The following TSPAN9 variants were observed in gnomAD, a reference collection of about 807,000 sequenced individuals.
TSPAN9 encodes tetraspanin 9.
Under a neutral mutation model 31.0 loss-of-function variants are expected in TSPAN9, and 16 were observed. The ratio of observed to expected loss-of-function variants is 0.52; its 90% CI spans 0.35 to 0.78. The LOEUF (loss-of-function observed/expected upper bound fraction) is 0.78, where lower values mean the gene tolerates loss of function less well. Among genes scored for constraint, TSPAN9 ranks in the 30% least tolerant of loss-of-function variants. TSPAN9 has a pLI of 0.01. For synonymous variants in TSPAN9, 145 were observed against 121.6 expected (o/e 1.19, Z -1.27); for missense variants, 272 against 312.5 (o/e 0.87, Z 0.98).
At chr12:3,213,787 C>T (rs899162267) in intron 3 of TSPAN9, among the ~76,000 whole-genome samples, 12 of 152,182 alleles carry the variant, frequency 7.9e-5, no homozygotes, top group Admixed American at 5.9e-4. Context: ...TCTGCATTGC[C>T]GATTAGCTTT....
At chr12:3,242,634 G>A (rs2098397161) in intron 3 of TSPAN9, among the ~76,000 whole-genome samples, 1 of 152,232 alleles carries the variant, frequency 6.6e-6, no homozygotes, top group African/African-American at 2.4e-5. Flanking sequence ...GGCTGCGTGT[G>A]GAGGATGTAA....
At chr12:3,129,121 A>G (rs1022971455) in intron 2 of TSPAN9, among the ~76,000 whole-genome samples, 1 of 152,162 alleles carries the variant, frequency 6.6e-6, no homozygotes, top group Non-Finnish European at 1.5e-5. Context: ...TGGCTGAGTA[A>G]TATTCCATTG....
At chr12:3,210,738 C>CTTT (rs376848982) in intron 3 of TSPAN9, among the ~76,000 whole-genome samples, 2 of 132,886 alleles carry the variant, frequency 1.5e-5, no homozygotes, top group Admixed American at 7.7e-5. Context: ...TCATGGATGT[C>CTTT]TTTTTTTTTT....
At chr12:3,194,053 A>AC (rs2098365873) in intron 2 of TSPAN9, among the ~76,000 whole-genome samples, 1 of 152,012 alleles carries the variant, frequency 6.6e-6, no homozygotes, top group African/African-American at 2.4e-5. Context: ...TAGTTAATGA[A>AC]CTCAAGGCTG....
chr12:3,188,979 G>A (rs1336927665), intron 2 of TSPAN9, among the ~76,000 whole-genome samples: 4 of 152,212 alleles, frequency 2.6e-5, no homozygotes, highest in African/African-American at 9.6e-5. Flanking sequence ...CACCATGTAT[G>A]GGGCTGCGCT....
At chr12:3,146,348 T>C (rs1270178011) in intron 2 of TSPAN9, among the ~76,000 whole-genome samples, 1 of 152,148 alleles carries the variant, frequency 6.6e-6, no homozygotes, top group Non-Finnish European at 1.5e-5. Context: ...TGTGTGGAGA[T>C]GGTGGTCTCT....
At chr12:3,244,803 C>T (rs1015567695) in intron 3 of TSPAN9, among the ~76,000 whole-genome samples, 2 of 152,156 alleles carry the variant, frequency 1.3e-5, no homozygotes, top group Non-Finnish European at 2.9e-5. Context: ...GGCTTGCCTG[C>T]CCCAGCCAGG....
Position 3,114,255 on chromosome 12 carries a change from A to G in TSPAN9, c.-18+30536A>G, listed in dbSNP as rs1591633992. ...TGTTCCAAAAAATGTATTTACGGAC[A>G]TTGAAATTTAAATTTCATGTCATTT... On this transcript the variant is annotated intron_variant, in intron 2 of 8. Transcript: ENST00000011898. Among the ~76,000 whole-genome samples the G allele has an allele frequency of 2.0e-5, 3 of 152,332 alleles. No individual in the cohort carries two copies. In the East Asian group the frequency reaches 5.8e-4, roughly 29 times the overall value.
intron 2 of TSPAN9, among the ~76,000 whole-genome samples, chr12:3,176,206 G>T (rs904111747): frequency 1.3e-5 from 2 of 152,232 alleles, no homozygotes; most frequent in African/African-American, 4.8e-5. Context: ...TTCTCCTCTT[G>T]TCTCAGCATC....
At chr12:3,206,795 G>T (rs2098375487) in intron 3 of TSPAN9, among the ~76,000 whole-genome samples, 1 of 152,132 alleles carries the variant, frequency 6.6e-6, no homozygotes, top group Non-Finnish European at 1.5e-5. Flanking sequence ...GCTTAATAGA[G>T]CTCCTTAATG....
chr12:3,270,875 T>C (rs1420865626), intron 3 of TSPAN9, among the ~76,000 whole-genome samples: 5 of 152,224 alleles, frequency 3.3e-5, no homozygotes, highest in Admixed American at 2.0e-4. Context: ...TTTTGGTCAA[T>C]TGGGGAAGGG....
chr12:3,220,708 G>A (rs1591685985), intron 3 of TSPAN9, among the ~76,000 whole-genome samples: 1 of 152,086 alleles, frequency 6.6e-6, no homozygotes, highest in South Asian at 2.1e-4. Context: ...GTGCTGGGCC[G>A]GGGCTGTCTC....
In TSPAN9 at chr12:3,143,026, C is replaced by G. The variant is rs1016257173; in HGVS notation, c.-17-58151C>G. ...GGTCACTCTGCAGGACGGTTTTTCACTCTGGCTCTGTCTGGCATTTTCTCA... is the reference window on the plus strand; with the variant it reads ...GGTCACTCTGCAGGACGGTTTTTCAGTCTGGCTCTGTCTGGCATTTTCTCA... On this transcript the variant is annotated intron_variant, in intron 2 of 8. Coordinates refer to ENST00000011898, the MANE Select transcript of TSPAN9 (RefSeq NM_006675.5). This position sits in a 1 kb window ranked among gnomAD's most constrained non-coding sequence, Gnocchi z 4.2. Among the ~76,000 whole-genome samples, 1 of 151,982 alleles carries G rather than the reference C, an allele frequency of 6.6e-6. No homozygotes were observed. Among genetic ancestry groups the G allele is most frequent in the African/African-American group, 2.4e-5 (1 of 41,376 alleles).
At chr12:3,268,735 T>C (rs1862597726) in intron 3 of TSPAN9, among the ~76,000 whole-genome samples, 1 of 105,650 alleles carries the variant, frequency 9.5e-6, no homozygotes, top group Non-Finnish European at 2.0e-5. Context: ...CCTCCCTGTG[T>C]TCCTGCAGCC....
chr12:3,138,326 C>T (rs550293479), intron 2 of TSPAN9, among the ~76,000 whole-genome samples: 1 of 152,244 alleles, frequency 6.6e-6, no homozygotes, highest in African/African-American at 2.4e-5. Context: ...GCTCAGTCTC[C>T]TCACTGCGGG....
In TSPAN9 at chr12:3,091,811, C is replaced by G. The variant is rs142094455; in HGVS notation, c.-18+8092C>G. On this transcript the variant is annotated intron_variant, in intron 2 of 8. Transcript: ENST00000011898. The stretch of plus-strand genomic sequence containing the variant: ...GCATTCTGCACCTCCACAACTCCGC[C>G]TCTGGCCTGGCCTCTTCAACTGTGC... Among the ~76,000 whole-genome samples the G allele has an allele frequency of 3.6e-4, 55 of 152,310 alleles. No individual in the cohort carries two copies. The East Asian group carries it at 9.3e-3, about 26-fold the overall frequency.
chr12:3,280,575 C>T lies in TSPAN9; in HGVS notation c.432+92C>T, dbSNP rs1862875697. On this transcript the variant is annotated intron_variant, in intron 6 of 8. Transcript: ENST00000011898. This position sits in a 1 kb window ranked among gnomAD's most constrained non-coding sequence, Gnocchi z 4.5. ...CCTTCCCCGGTGACCTGGCCGGGCACCTGTGCTTTCTGGATTTTAGCCGGG... is the reference window on the plus strand; with the variant it reads ...CCTTCCCCGGTGACCTGGCCGGGCATCTGTGCTTTCTGGATTTTAGCCGGG... The T allele has an allele frequency of 6.6e-6, 8 of 1,211,462 alleles. No individual in the cohort carries two copies. Among genetic ancestry groups the T allele is most frequent in the Non-Finnish European group, 9.4e-6 (8 of 855,338 alleles). The allele number at this position is 1,211,462 out of a possible 1,614,324, so 75.0% of individuals were successfully genotyped here. A position where few individuals can be genotyped will look rare whatever the true frequency, so the allele number is the denominator to read the frequency against.
At chr12:3,135,642 C>G (rs2098331762) in intron 2 of TSPAN9, among the ~76,000 whole-genome samples, 1 of 152,128 alleles carries the variant, frequency 6.6e-6, no homozygotes, top group Non-Finnish European at 1.5e-5. Context: ...ATGTTGACCA[C>G]TAGATGGCAG....
At chr12:3,153,855 T>C (rs538963843) in intron 2 of TSPAN9, among the ~76,000 whole-genome samples, 2 of 151,952 alleles carry the variant, frequency 1.3e-5, no homozygotes, top group South Asian at 2.1e-4. Flanking sequence ...TATGTGTGTG[T>C]GTGTGTGCGT....
Sources: gnomAD v4.1 joint callset for allele counts (sites outside exome capture counted in the v4.1 genomes callset) on GRCh38, gnomAD v4.1.1 for gene constraint, Gnocchi (gnomAD v3.1) non-coding constraint, MANE v1.5 for transcripts, NCBI Gene and HGNC (gene_info 2026-07-23, HGNC 2026-07-21) for gene names.